Variants in NOS1AP observed in about 807,000 individuals in gnomAD.
NOS1AP encodes the protein nitric oxide synthase 1 adaptor protein.
In NOS1AP, 21 loss-of-function variants were observed where a neutral mutation model predicts 56.2. That is an observed-to-expected ratio of 0.37 (90% CI 0.26 to 0.54). The LOEUF (loss-of-function observed/expected upper bound fraction) is 0.54, where lower values mean the gene tolerates loss of function less well. Among genes scored for constraint, NOS1AP ranks in the 20% least tolerant of loss-of-function variants. The pLI is 0.84. For synonymous variants in NOS1AP, 270 were observed against 274.6 expected (o/e 0.98, Z 0.17); for missense variants, 522 against 657.8 (o/e 0.79, Z 2.26).
rs75006412 is a variant in NOS1AP at position 162,157,972 on chromosome 1, T to C, written c.177+3496T>C. On this transcript the variant is annotated intron_variant, in intron 2 of 9. Transcript: ENST00000361897. ...GTTATCTGTCTTGAGCGTATTTTGC[T>C]TTTTTTCCTTTTTAATGTGCTTTCA... Among the ~76,000 whole-genome samples, 1,245 of 152,320 alleles carry C rather than the reference T, an allele frequency of 8.2e-3. 8 individuals carry two copies. Among genetic ancestry groups the C allele is most frequent in the Non-Finnish European group, 0.013 (892 of 68,024 alleles).
chr1:162,227,291 C>G (rs1345487105), intron 2 of NOS1AP, among the ~76,000 whole-genome samples: 1 of 152,178 alleles, frequency 6.6e-6, no homozygotes, highest in Non-Finnish European at 1.5e-5. Flanking sequence ...ATTAACATTT[C>G]CTGGTGGACT....
intron 3 of NOS1AP, among the ~76,000 whole-genome samples, chr1:162,289,198 T>G (rs1030186398): frequency 3.1e-5 from 4 of 128,288 alleles, no homozygotes; most frequent in Admixed American, 2.5e-4. Flanking sequence ...TTTCTTTCCT[T>G]CCTTCCTTCC....
intron 4 of NOS1AP, chr1:162,316,958 G>T: frequency 6.0e-6 from 1 of 166,280 alleles, no homozygotes; most frequent in South Asian, 1.9e-4. Context: ...TCAGAGGCCT[G>T]ACATTGACCT....
chr1:162,336,326 G>C (rs1320486651), intron 5 of NOS1AP, among the ~76,000 whole-genome samples: 1 of 152,240 alleles, frequency 6.6e-6, no homozygotes, highest in African/African-American at 2.4e-5. Flanking sequence ...ACAAGTAATG[G>C]AGTCAGAACT....
intron 1 of NOS1AP, among the ~76,000 whole-genome samples, chr1:162,072,287 G>A (rs1238992941): frequency 6.6e-6 from 1 of 152,086 alleles, no homozygotes; most frequent in Non-Finnish European, 1.5e-5. Flanking sequence ...TACCTTTAAC[G>A]AGCATTCCAG....
chr1:162,211,332 G>A (rs530718655), intron 2 of NOS1AP, among the ~76,000 whole-genome samples: 91 of 152,228 alleles, frequency 6.0e-4, no homozygotes, highest in Admixed American at 1.4e-3. Flanking sequence ...TTCTTGCTAC[G>A]TCCTCACATA....
chr1:162,274,212 C>T (rs966238072), intron 2 of NOS1AP, among the ~76,000 whole-genome samples: 10 of 152,160 alleles, frequency 6.6e-5, no homozygotes, highest in Non-Finnish European at 1.3e-4. Flanking sequence ...GCATCCTCCC[C>T]GGTGTTTGGC....
In NOS1AP at chr1:162,323,354, C is replaced by T. The variant is rs527523845; in HGVS notation, c.345-9663C>T. Among the ~76,000 whole-genome samples, 5 of 152,338 alleles carry T rather than the reference C, an allele frequency of 3.3e-5. No individual in the cohort carries two copies. In the South Asian group the frequency reaches 8.3e-4, roughly 25 times the overall value. On this transcript the variant is annotated intron_variant, in intron 4 of 9. Coordinates refer to ENST00000361897, the MANE Select transcript of NOS1AP (RefSeq NM_014697.3). ...AGCCTTGATTTTTGACTTCTGGCCT[C>T]CTGAACTGTGAGAAATGAAATTTCT...
At chr1:162,319,426 G>C (rs537900079) in intron 4 of NOS1AP, among the ~76,000 whole-genome samples, 1 of 152,018 alleles carries the variant, frequency 6.6e-6, no homozygotes, top group African/African-American at 2.4e-5. Flanking sequence ...CTTGCCCTGA[G>C]CCCACAAGGT....
intron 2 of NOS1AP, among the ~76,000 whole-genome samples, chr1:162,284,868 G>A (rs912225931): frequency 3.3e-5 from 5 of 152,136 alleles, no homozygotes; most frequent in Non-Finnish European, 7.4e-5. Flanking sequence ...CAACAGGGAG[G>A]TGGACAAAGC....
chr1:162,141,946 T>C (rs1649252713), intron 1 of NOS1AP, among the ~76,000 whole-genome samples: 1 of 152,144 alleles, frequency 6.6e-6, no homozygotes, highest in Non-Finnish European at 1.5e-5. Flanking sequence ...CTAGAAAACA[T>C]CTTAAAATTT....
intron 2 of NOS1AP, among the ~76,000 whole-genome samples, chr1:162,163,648 A>G (rs1650337720): frequency 6.6e-6 from 1 of 152,070 alleles, no homozygotes; most frequent in African/African-American, 2.4e-5. Flanking sequence ...AATGTTCCAG[A>G]CAGAGGTCAG....
Position 162,098,871 on chromosome 1 carries a change from C to G in NOS1AP, c.105+28589C>G, listed in dbSNP as rs186827942. Reference sequence around the variant, plus strand: ...TTCCTTTTTATGGCTGCATAGTATCCCATGGTGTATCTGTACCACATTTTC... The same window carrying G: ...TTCCTTTTTATGGCTGCATAGTATCGCATGGTGTATCTGTACCACATTTTC... On this transcript the variant is annotated intron_variant, in intron 1 of 9. Coordinates refer to ENST00000361897, the MANE Select transcript of NOS1AP (RefSeq NM_014697.3). Among the ~76,000 whole-genome samples the G allele has an allele frequency of 6.3e-4, 96 of 152,244 alleles. 1 individual carries two copies. The highest frequency in any genetic ancestry group is 3.4e-3 in the Middle Eastern group (1 of 294).
chr1:162,263,212 A>G (rs1654294229), intron 2 of NOS1AP, among the ~76,000 whole-genome samples: 1 of 152,230 alleles, frequency 6.6e-6, no homozygotes, highest in East Asian at 1.9e-4. Context: ...CTATAACAGA[A>G]TACTATAGAC....
intron 2 of NOS1AP, among the ~76,000 whole-genome samples, chr1:162,206,862 C>T (rs1481742893): frequency 6.6e-6 from 1 of 152,110 alleles, no homozygotes; most frequent in Non-Finnish European, 1.5e-5. Flanking sequence ...TTTCTCAAAA[C>T]GTGGTTGCTT....
intron 2 of NOS1AP, among the ~76,000 whole-genome samples, chr1:162,213,130 A>G (rs1273002459): frequency 6.6e-6 from 1 of 152,146 alleles, no homozygotes; most frequent in Non-Finnish European, 1.5e-5. Context: ...ATCTAGATAC[A>G]GTTAGGGAGT....
At chr1:162,350,225 A>G (rs1657446838) in intron 6 of NOS1AP, among the ~76,000 whole-genome samples, 1 of 152,202 alleles carries the variant, frequency 6.6e-6, no homozygotes, top group African/African-American at 2.4e-5. Flanking sequence ...CGTTGTGCAG[A>G]AAAAACATGT....
rs1654238360 is a variant in NOS1AP at position 162,261,541 on chromosome 1, A to AAGAGAGGG, written c.178-25803_178-25802insAGAGAGGG. On this transcript the variant is annotated intron_variant, in intron 2 of 9. Transcript: ENST00000361897. Reference sequence around the variant, plus strand: ...GAGAGAGAGAGAGAGAGAGAGAGAGAGAGAGCAATGAAATGACTGGAACAG... The same window carrying AAGAGAGGG: ...GAGAGAGAGAGAGAGAGAGAGAGAGAAGAGAGGGGAGAGCAATGAAATGACTGGAACAG... Among the ~76,000 whole-genome samples the AAGAGAGGG allele has an allele frequency of 5.9e-5, 6 of 101,492 alleles. 2 individuals are homozygous for AAGAGAGGG. The highest frequency in any genetic ancestry group is 1.8e-4 in the African/African-American group (6 of 33,356). 66.6% of individuals were successfully genotyped at this position (101,492 alleles called of 152,430 possible).
At chr1:162,295,952 T>C (rs777880195) in intron 3 of NOS1AP, among the ~76,000 whole-genome samples, 43 of 150,706 alleles carry the variant, frequency 2.9e-4, no homozygotes, top group Admixed American at 4.6e-4. Context: ...GTTCTAAAGT[T>C]CTTGGACTAT....
Sources: allele counts gnomAD v4.1 joint callset (sites outside exome capture counted in the v4.1 genomes callset), GRCh38; gene constraint gnomAD v4.1.1; transcripts MANE v1.5; gene names NCBI Gene and HGNC (gene_info 2026-07-23, HGNC 2026-07-21).